Variants in PCDHA6 observed in about 807,000 individuals in gnomAD.
The protein encoded by PCDHA6 is protocadherin alpha 6.
A neutral mutation model predicts 60.3 loss-of-function variants in PCDHA6; 55 were observed. The ratio of observed to expected loss-of-function variants is 0.91; its 90% CI spans 0.73 to 1.14. The LOEUF is 1.14. PCDHA6 is among the 50% of genes most tolerant of loss of function. PCDHA6 has a pLI of 0.00. For synonymous variants in PCDHA6, 652 were observed against 557.9 expected, an observed-to-expected ratio of 1.17 and a Z score of -2.38; for missense variants, 1,327 against 1,256.5, an observed-to-expected ratio of 1.06 and a Z score of -0.85.
At chr5:140,875,182 A>T in intron 1 of PCDHA6, 1 of 450,902 alleles carries the variant, frequency 2.2e-6, no homozygotes. Context: ...CATTAGAATT[A>T]AGAGTGACCC....
At chr5:140,888,705 A>G (rs2061950008) in intron 1 of PCDHA6, among the ~76,000 whole-genome samples, 1 of 152,082 alleles carries the variant, frequency 6.6e-6, no homozygotes, top group South Asian at 2.1e-4. Context: ...ATTGGTAGGA[A>G]TGTGAAATAT....
intron 1 of PCDHA6, chr5:140,869,088 G>A (rs1581866971): frequency 6.3e-7 from 1 of 1,587,910 alleles, no homozygotes; most frequent in Non-Finnish European, 8.6e-7. Context: ...TATTTTGGAA[G>A]CCAATTTCGT....
chr5:140,870,198 C>G, intron 1 of PCDHA6: 1 of 1,614,172 alleles, frequency 6.2e-7, no homozygotes, highest in Non-Finnish European at 8.5e-7. Context: ...CTCAGCCCAG[C>G]ACGGTCATTG....
chr5:140,900,543 C>T (rs889758586), intron 1 of PCDHA6, among the ~76,000 whole-genome samples: 2 of 152,210 alleles, frequency 1.3e-5, no homozygotes, highest in African/African-American at 4.8e-5. Context: ...TTCCAAAGTG[C>T]TGGGATTACA....
At chr5:140,864,602 A>T (rs1472168357) in intron 1 of PCDHA6, 2 of 152,210 alleles carry the variant, frequency 1.3e-5, no homozygotes, top group African/African-American at 4.8e-5. Flanking sequence ...CAGATAGCCA[A>T]CAACTTTGTT....
intron 1 of PCDHA6, among the ~76,000 whole-genome samples, chr5:140,973,634 C>T (rs2096596343): frequency 6.6e-6 from 1 of 152,220 alleles, no homozygotes; most frequent in African/African-American, 2.4e-5. Flanking sequence ...ATCTTGTACA[C>T]ATTCTGACTG....
chr5:140,843,339 G>A (rs2150357830), intron 1 of PCDHA6: 2 of 1,596,042 alleles, frequency 1.3e-6, no homozygotes, highest in Admixed American at 1.7e-5. Flanking sequence ...GTGGAGAGCG[G>A]CCAGGCTCCA....
chr5:140,969,023 C>T lies in PCDHA6; in HGVS notation c.2395-9926C>T. ...CTTCTGTGGAGTAAGGGAAAGGTCC[C>T]CTGCAGAACTGTACAAACAAGCCAA... is the stretch of plus-strand genomic sequence containing the variant. On this transcript the variant is annotated intron_variant, in intron 1 of 3. Coordinates refer to ENST00000529310, the MANE Select transcript of PCDHA6 (RefSeq NM_018909.4). The T allele has an allele frequency of 3.1e-6, 5 of 1,614,124 alleles. No homozygotes were observed. In the Admixed American group the frequency reaches 5.0e-5, roughly 16 times the overall value.
At position 140,830,195 on chromosome 5, in the gene PCDHA6, A is replaced by G. The variant is rs2150182609; in HGVS notation, c.2104A>G (p.Ile702Val). ...GGTGGATGTCAACGTGTACCTGATC[A>G]TCGCCATCTGCGCGGTATCCAGCCT... ...ALVDVNVYLI[I>V]AICAVSSLLV... The change falls in exon 1 of 4, where the codon ATC becomes GTC. Residue 702 changes from isoleucine to valine, a missense_variant. Ile to Val is a conservative substitution (Grantham distance 29). Transcript: ENST00000529310. 2 of 1,613,696 alleles carry G rather than the reference A, an allele frequency of 1.2e-6. No homozygotes were observed. Among genetic ancestry groups the G allele is most frequent in the Non-Finnish European group, 1.7e-6 (2 of 1,179,886 alleles).
chr5:140,882,299 C>T (rs781797969), intron 1 of PCDHA6: 33 of 1,613,690 alleles, frequency 2.0e-5, no homozygotes, highest in Non-Finnish European at 2.7e-5. Flanking sequence ...AGGCCCAAGA[C>T]CGCGGCAACT....
intron 1 of PCDHA6, chr5:140,869,906 A>G: frequency 6.2e-7 from 1 of 1,610,936 alleles, no homozygotes; most frequent in Non-Finnish European, 8.5e-7. Context: ...AACGCCACAG[A>G]CCGAGACGAA....
rs2150160742 is a variant in PCDHA6 at position 140,828,911 on chromosome 5, A to T, written c.820A>T (p.Asn274Tyr). The T allele has an allele frequency of 6.2e-7, 1 of 1,614,128 alleles. No homozygotes were observed. The highest frequency in any genetic ancestry group is 8.5e-7 in the Non-Finnish European group (1 of 1,180,046). Reference sequence around the variant, plus strand: ...TGCTTCTGATCGGGATGAAGGAGCGAATGGGGCAATTTCATATTCTTTTAA... The same window carrying T: ...TGCTTCTGATCGGGATGAAGGAGCGTATGGGGCAATTTCATATTCTTTTAA... ...LNASDRDEGA[N>Y]GAISYSFNSL... Residue 274 changes from asparagine to tyrosine, a missense_variant, in exon 1 of 4, where the codon AAT (asparagine) becomes TAT (tyrosine). Asn to Tyr is a moderately radical substitution (Grantham distance 143). Coordinates refer to ENST00000529310, the MANE Select transcript of PCDHA6 (RefSeq NM_018909.4).
chr5:140,889,417 A>G (rs2062219100), intron 1 of PCDHA6, among the ~76,000 whole-genome samples: 1 of 152,040 alleles, frequency 6.6e-6, no homozygotes. Context: ...TCAGTTACGT[A>G]GATAATATTT....
intron 1 of PCDHA6, chr5:140,860,525 C>T (rs1269714360): frequency 1.3e-5 from 2 of 152,112 alleles, no homozygotes; most frequent in Non-Finnish European, 2.9e-5. Context: ...TCATGGAATT[C>T]TGATTTGTAA....
At position 140,850,000 on chromosome 5, in the gene PCDHA6, G is replaced by A. The variant is rs2150462633; in HGVS notation, c.2394+19515G>A. 7 of 1,597,068 alleles carry A rather than the reference G, an allele frequency of 4.4e-6. No individual in the cohort carries two copies. In the Admixed American group the frequency reaches 8.4e-5, roughly 19 times the overall value. ...CTGGTGGAGCGGCGGTTGGGCGAGCGCTCGCTGTCGAGCTACGTGTCAGTG... is the reference window on the plus strand; with the variant it reads ...CTGGTGGAGCGGCGGTTGGGCGAGCACTCGCTGTCGAGCTACGTGTCAGTG... On this transcript the variant is annotated intron_variant, in intron 1 of 3. Transcript: ENST00000529310.
chr5:140,875,987 T>C, intron 1 of PCDHA6: 1 of 1,614,032 alleles, frequency 6.2e-7, no homozygotes, highest in Non-Finnish European at 8.5e-7. Flanking sequence ...ACCTATGCGT[T>C]AAGTCTAAAT....
chr5:140,876,127 A>G lies in PCDHA6; in HGVS notation c.2394+45642A>G, dbSNP rs782626047. 2.5e-6 allele frequency: 4 copies of G among 1,613,984 alleles called. No homozygotes were observed. The South Asian group carries it at 3.3e-5, about 13-fold the overall frequency. ...ATTGCTGATGGTAATCGATGGCGGTAAACCAGAACTAACAGGGTCTGTCCA... is the reference window on the plus strand; with the variant it reads ...ATTGCTGATGGTAATCGATGGCGGTGAACCAGAACTAACAGGGTCTGTCCA... On this transcript the variant is annotated intron_variant, in intron 1 of 3. Coordinates refer to ENST00000529310, the MANE Select transcript of PCDHA6 (RefSeq NM_018909.4).
intron 1 of PCDHA6, among the ~76,000 whole-genome samples, chr5:140,935,636 G>A (rs1554210607): frequency 6.6e-6 from 1 of 152,052 alleles, no homozygotes; most frequent in African/African-American, 2.4e-5. Context: ...TTTAGGGCTT[G>A]CTTTTTAAAT....
intron 1 of PCDHA6, chr5:140,927,923 C>G: frequency 1.2e-6 from 2 of 1,614,232 alleles, no homozygotes; most frequent in Non-Finnish European, 1.7e-6. Context: ...GACTTCCTGA[C>G]TCTTTCGAAC....
Sources: allele counts gnomAD v4.1 joint callset (sites outside exome capture counted in the v4.1 genomes callset), GRCh38; gene constraint gnomAD v4.1.1; transcripts MANE v1.5; gene names NCBI Gene and HGNC (gene_info 2026-07-23, HGNC 2026-07-21).